Variants in FER observed in about 807,000 individuals in gnomAD.
The protein encoded by FER is tyrosine-protein kinase Fer.
FER carries 63 observed loss-of-function variants against 111.0 expected under a neutral mutation model. That is an observed-to-expected ratio of 0.57 (90% confidence interval 0.46 to 0.70). The LOEUF (loss-of-function observed/expected upper bound fraction) is 0.70. FER is among the 30% of genes least tolerant of loss of function. FER has a pLI of 0.00. For missense variants in FER, 914 were observed against 954.0 expected (o/e 0.96, Z 0.55); for synonymous variants, 327 against 313.9 (o/e 1.04, Z -0.44).
intron 13 of FER, among the ~76,000 whole-genome samples, chr5:109,030,446 G>C (rs1268362793): frequency 2.6e-5 from 4 of 152,102 alleles, no homozygotes; most frequent in African/African-American, 9.7e-5. Context: ...TTTCATTTTT[G>C]CAGGTAGTTA....
chr5:108,985,401 T>A (rs1227922272), intron 13 of FER, among the ~76,000 whole-genome samples: 1 of 152,190 alleles, frequency 6.6e-6, no homozygotes, highest in African/African-American at 2.4e-5. Flanking sequence ...TAGTCACTAT[T>A]TGTTTCTTTC....
chr5:109,103,962 G>C (rs563882325), intron 17 of FER, among the ~76,000 whole-genome samples: 1 of 152,294 alleles, frequency 6.6e-6, no homozygotes, highest in Admixed American at 6.5e-5. Context: ...AAAGTAAAAG[G>C]AGGACACACT....
In FER at chr5:108,897,575, A is replaced by C. The variant is rs573387330; in HGVS notation, c.1047-84A>C. ...AAAGGGCTCTTATAAAAATGAAATCAAAGAAAAGCATAATTTACATATATG... is the reference window on the plus strand; with the variant it reads ...AAAGGGCTCTTATAAAAATGAAATCCAAGAAAAGCATAATTTACATATATG... On this transcript the variant is annotated intron_variant, in intron 9 of 19. Transcript: ENST00000281092. The C allele has an allele frequency of 1.6e-5, 16 of 1,020,524 alleles. No homozygotes were observed. The East Asian group carries it at 4.9e-4, about 31-fold the overall frequency. The allele number at this position is 1,020,524 out of a possible 1,614,324, so 63.2% of individuals were successfully genotyped here.
chr5:108,789,997 T>G (rs1755165979), intron 2 of FER, among the ~76,000 whole-genome samples: 1 of 152,188 alleles, frequency 6.6e-6, no homozygotes, highest in South Asian at 2.1e-4. Context: ...CAGAATAAAA[T>G]GAACCACAAT....
intron 17 of FER, among the ~76,000 whole-genome samples, chr5:109,127,895 T>C (rs1295324185): frequency 1.3e-5 from 2 of 152,322 alleles, no homozygotes; most frequent in East Asian, 3.9e-4. Flanking sequence ...TTTTTCATAA[T>C]ATTGAAATTC....
intron 11 of FER, among the ~76,000 whole-genome samples, chr5:108,947,942 G>A (rs1406268532): frequency 6.6e-6 from 1 of 151,744 alleles, no homozygotes; most frequent in African/African-American, 2.4e-5. Flanking sequence ...GGCTGGTGTT[G>A]AGTTCCTGAG....
intron 2 of FER, among the ~76,000 whole-genome samples, chr5:108,769,090 G>A (rs1186868177): frequency 6.6e-6 from 1 of 152,100 alleles, no homozygotes; most frequent in South Asian, 2.1e-4. Flanking sequence ...GCCTCCTAAA[G>A]TGCTGGGATT....
intron 16 of FER, among the ~76,000 whole-genome samples, chr5:109,058,724 CTTTT>C (rs746184286): frequency 0.041 from 3,078 of 75,364 alleles, 7 homozygotes; most frequent in Non-Finnish European, 0.057. Flanking sequence ...TTCTTTCTTT[CTTTT>C]TTTTTTTTTT....
At chr5:108,885,070 C>G (rs1381380385) in intron 9 of FER, among the ~76,000 whole-genome samples, 1 of 151,926 alleles carries the variant, frequency 6.6e-6, no homozygotes, top group Non-Finnish European at 1.5e-5. Flanking sequence ...AGGCACGGCC[C>G]TAGGCTGTCT....
chr5:108,978,409 CCTT>C (rs1266196912), intron 13 of FER, among the ~76,000 whole-genome samples: 3 of 152,154 alleles, frequency 2.0e-5, no homozygotes, highest in African/African-American at 7.2e-5. Context: ...TTATTTCATA[CCTT>C]TCTATCTTTG....
intron 2 of FER, among the ~76,000 whole-genome samples, chr5:108,784,830 G>A (rs1230947580): frequency 6.6e-6 from 1 of 152,208 alleles, no homozygotes. Flanking sequence ...GTTTAGGAAT[G>A]CCTTAAGTGG....
At chr5:108,957,927 G>T (rs1486302649) in intron 12 of FER, among the ~76,000 whole-genome samples, 7 of 151,456 alleles carry the variant, frequency 4.6e-5, no homozygotes, top group Non-Finnish European at 8.9e-5. Flanking sequence ...TTAGAAATAG[G>T]TTAGTACCTT....
intron 16 of FER, among the ~76,000 whole-genome samples, chr5:109,059,335 C>A (rs1032512910): frequency 1.3e-5 from 2 of 150,496 alleles, no homozygotes; most frequent in Non-Finnish European, 1.5e-5. Context: ...CCATCCTGGC[C>A]AACATGGTGA....
intron 16 of FER, among the ~76,000 whole-genome samples, chr5:109,074,261 A>G (rs1776076341): frequency 1.3e-5 from 2 of 152,208 alleles, no homozygotes; most frequent in African/African-American, 4.8e-5. Context: ...GCTGTCCAAG[A>G]TTCCACACTT....
intron 9 of FER, among the ~76,000 whole-genome samples, chr5:108,885,182 A>G (rs1045968385): frequency 1.3e-5 from 2 of 152,002 alleles, no homozygotes; most frequent in Admixed American, 6.6e-5. Context: ...CATGTAACCA[A>G]TTGCCTACTT....
chr5:109,135,591 C>T (rs1389738820), intron 17 of FER, among the ~76,000 whole-genome samples: 5 of 152,096 alleles, frequency 3.3e-5, no homozygotes, highest in African/African-American at 1.2e-4. Flanking sequence ...AGGGTTTGAA[C>T]AAGGGAAACA....
chr5:108,942,651 C>G lies in FER; in HGVS notation c.1237-3479C>G, dbSNP rs142862251. Among the ~76,000 whole-genome samples, 15 of 152,216 alleles carry G rather than the reference C, an allele frequency of 9.9e-5. 1 individual carries two copies. The East Asian group carries it at 2.9e-3, about 29-fold the overall frequency. On this transcript the variant is annotated intron_variant, in intron 10 of 19. Coordinates refer to ENST00000281092, the MANE Select transcript of FER (RefSeq NM_005246.4). ...GCTATCTATCTTTCATTGTGCCCAG[C>G]AAATCAGCATTTTCAAAACCTTAGG...
chr5:108,949,333 A>G (rs1167112397), intron 11 of FER, among the ~76,000 whole-genome samples: 1 of 152,054 alleles, frequency 6.6e-6, no homozygotes, highest in Admixed American at 6.6e-5. Context: ...TACATTTTAA[A>G]TATATCAGTT....
At chr5:108,790,591 G>A (rs1028820973) in intron 2 of FER, among the ~76,000 whole-genome samples, 2 of 152,170 alleles carry the variant, frequency 1.3e-5, no homozygotes, top group Admixed American at 6.5e-5. Context: ...TTTTGGGGAA[G>A]CTTATGCTAA....
Sources: allele counts gnomAD v4.1 joint callset (sites outside exome capture counted in the v4.1 genomes callset), GRCh38; gene constraint gnomAD v4.1.1; transcripts MANE v1.5; gene names NCBI Gene and HGNC (gene_info 2026-07-23, HGNC 2026-07-21).